CABLES1: variants seen among roughly 807,000 people sequenced by gnomAD.
The protein encoded by CABLES1 is Cdk5 and Abl enzyme substrate 1.
A neutral mutation model predicts 57.8 loss-of-function variants in CABLES1; 36 were observed. The ratio of observed to expected loss-of-function variants is 0.62; its 90% confidence interval spans 0.48 to 0.82. The LOEUF (loss-of-function observed/expected upper bound fraction) is 0.82, where lower values mean the gene tolerates loss of function less well. Ranked by LOEUF, CABLES1 falls within the 40% of genes least tolerant of loss-of-function variation. The pLI is 0.00. For synonymous variants in CABLES1, 374 were observed against 363.0 expected (o/e 1.03, Z -0.35); for missense variants, 767 against 836.6 (o/e 0.92, Z 1.03).
chr18:23,246,413 A>G (rs1213512872), intron 7 of CABLES1, among the ~76,000 whole-genome samples: 1 of 151,758 alleles, frequency 6.6e-6, no homozygotes, highest in Non-Finnish European at 1.5e-5. Flanking sequence ...TTTTTTTGAG[A>G]CGGAGTCTTG....
At chr18:23,148,732 C>T (rs1350938841) in intron 1 of CABLES1, among the ~76,000 whole-genome samples, 1 of 152,140 alleles carries the variant, frequency 6.6e-6, no homozygotes, top group Non-Finnish European at 1.5e-5. Context: ...TCAGCTGTGA[C>T]CTCACGGTGG....
intron 7 of CABLES1, among the ~76,000 whole-genome samples, chr18:23,239,131 G>A (rs2047674251): frequency 6.6e-6 from 1 of 152,124 alleles, no homozygotes; most frequent in African/African-American, 2.4e-5. Context: ...GTTCCAGGCC[G>A]CAGTATGTGT....
rs746294002 is a variant in CABLES1 at position 23,253,010 on chromosome 18, C to T, written c.1497C>T (p.Asn499=). 6.2e-6 allele frequency: 10 copies of T among 1,613,840 alleles called. No individual in the cohort carries two copies. Among genetic ancestry groups the T allele is most frequent in the East Asian group, 4.5e-5 (2 of 44,878 alleles). ...VKPSDLKKDM[N]ETFKEKFPHI... is the part of the protein sequence containing the mutation. ...CCTCGGATCTCAAGAAGGACATGAA[C>T]GAGACCTTCAAGGAGAAGTTTCCTC... The change falls in exon 8 of 10, where the codon AAC becomes AAT. Residue 499 remains asparagine, a synonymous_variant. Transcript: ENST00000256925.
chr18:23,237,027 G>A, intron 6 of CABLES1, 115 bp from the exon 7 acceptor site: 1 of 717,536 alleles, frequency 1.4e-6, no homozygotes, highest in Non-Finnish European at 2.6e-6. Flanking sequence ...TGAGCTAAGT[G>A]CCCTAAAGCC....
At chr18:23,151,481 G>C (rs576246735) in intron 1 of CABLES1, among the ~76,000 whole-genome samples, 2 of 152,334 alleles carry the variant, frequency 1.3e-5, no homozygotes, top group South Asian at 4.1e-4. Context: ...GTGGATGGCA[G>C]GTGCGTCTTG....
At chr18:23,209,798 G>A (rs927642023) in intron 3 of CABLES1, among the ~76,000 whole-genome samples, 6 of 80,828 alleles carry the variant, frequency 7.4e-5, no homozygotes, top group African/African-American at 2.4e-4. Context: ...ACCGTGGCTG[G>A]TGAGAGACAT....
At chr18:23,178,363 A>T (rs1300709801) in intron 1 of CABLES1, among the ~76,000 whole-genome samples, 1 of 152,138 alleles carries the variant, frequency 6.6e-6, no homozygotes, top group African/African-American at 2.4e-5. Flanking sequence ...CCACTGAGCC[A>T]GCGACCCTGG....
chr18:23,253,966 G>A lies in CABLES1; in HGVS notation c.1761+30G>A, dbSNP rs753087925. The A allele has an allele frequency of 4.4e-6, 7 of 1,589,854 alleles. No individual in the cohort carries two copies. The Admixed American group carries it at 6.7e-5, about 15-fold the overall frequency. On this transcript the variant is annotated intron_variant, in intron 9 of 9. Coordinates refer to ENST00000256925, the MANE Select transcript of CABLES1 (RefSeq NM_001100619.3). ...GTAGCCTTTTTCCTGGTGGCTGGAGGAGCACATGCTCCGGTCCGGGGTTCC... is the reference window on the plus strand; with the variant it reads ...GTAGCCTTTTTCCTGGTGGCTGGAGAAGCACATGCTCCGGTCCGGGGTTCC...
intron 2 of CABLES1, chr18:23,189,313 C>T (rs1198455943): frequency 5.6e-6 from 1 of 177,384 alleles, no homozygotes; most frequent in Admixed American, 5.5e-5. Flanking sequence ...CACGATGTCG[C>T]TCCCTGGCTA....
At position 23,246,295 on chromosome 18, in the gene CABLES1, A is replaced by C. The variant is rs143290996; in HGVS notation, c.1447-6665A>C. Among the ~76,000 whole-genome samples, 942 of 152,060 alleles carry C rather than the reference A, an allele frequency of 6.2e-3. 7 individuals are homozygous for C. The highest frequency in any genetic ancestry group is 0.019 in the African/African-American group (798 of 41,496). ...AAAAAAAAGAAAACAGTGGTCACTC[A>C]GACTGTCCCAGGCCAAGAAGGAGTC... On this transcript the variant is annotated intron_variant, in intron 7 of 9. Coordinates refer to ENST00000256925, the MANE Select transcript of CABLES1 (RefSeq NM_001100619.3).
At chr18:23,235,327 G>A (rs986452205) in intron 5 of CABLES1, among the ~76,000 whole-genome samples, 1 of 152,246 alleles carries the variant, frequency 6.6e-6, no homozygotes, top group Admixed American at 6.5e-5. Context: ...AGGCTGCTGG[G>A]AGCTCAAGGT....
At chr18:23,238,056 A>G (rs2047647544) in intron 7 of CABLES1, among the ~76,000 whole-genome samples, 1 of 152,242 alleles carries the variant, frequency 6.6e-6, no homozygotes, top group African/African-American at 2.4e-5. Context: ...CTGGCCCATG[A>G]GCCGGGCCTG....
At chr18:23,160,985 A>G (rs2046999832) in intron 1 of CABLES1, among the ~76,000 whole-genome samples, 1 of 152,156 alleles carries the variant, frequency 6.6e-6, no homozygotes, top group Non-Finnish European at 1.5e-5. Context: ...GTGAGCCAAG[A>G]TCACACCATT....
At chr18:23,200,397 C>A (rs1030339092) in intron 3 of CABLES1, among the ~76,000 whole-genome samples, 1 of 151,990 alleles carries the variant, frequency 6.6e-6, no homozygotes, top group East Asian at 1.9e-4. Context: ...GTAGCTGGGA[C>A]TACAGGCACC....
chr18:23,223,703 G>T (rs2047506779), intron 4 of CABLES1, among the ~76,000 whole-genome samples: 1 of 151,674 alleles, frequency 6.6e-6, no homozygotes, highest in Admixed American at 6.6e-5. Context: ...TGAAGCCCCT[G>T]CCTGCATCCT....
At chr18:23,178,646 G>A (rs572149864) in intron 1 of CABLES1, among the ~76,000 whole-genome samples, 1 of 152,086 alleles carries the variant, frequency 6.6e-6, no homozygotes, top group East Asian at 1.9e-4. Context: ...GCAGTGGGCA[G>A]GGTAGACTGG....
chr18:23,195,173 A>G (rs1348809710), intron 3 of CABLES1, among the ~76,000 whole-genome samples: 1 of 152,238 alleles, frequency 6.6e-6, no homozygotes, highest in East Asian at 1.9e-4. Context: ...ATAGATCAGA[A>G]TCATTGTTGC....
chr18:23,175,805 C>T (rs1156330896), intron 1 of CABLES1, among the ~76,000 whole-genome samples: 1 of 152,080 alleles, frequency 6.6e-6, no homozygotes, highest in Non-Finnish European at 1.5e-5. Context: ...TGGAGTTGTT[C>T]CTGCTATACT....
At chr18:23,225,184 T>A (rs2047519294) in intron 4 of CABLES1, among the ~76,000 whole-genome samples, 2 of 152,344 alleles carry the variant, frequency 1.3e-5, no homozygotes, top group South Asian at 4.1e-4. Context: ...AGCTATTATG[T>A]TGCTCTTTCT....
Sources: allele counts gnomAD v4.1 joint callset (sites outside exome capture counted in the v4.1 genomes callset), GRCh38; gene constraint gnomAD v4.1.1; transcripts MANE v1.5; gene names NCBI Gene and HGNC (gene_info 2026-07-23, HGNC 2026-07-21).